The following SNTG2 variants were observed in gnomAD, a reference collection of about 807,000 sequenced individuals.
SNTG2 encodes the protein syntrophin gamma 2.
A neutral mutation model predicts 70.9 loss-of-function variants in SNTG2; 74 were observed. The ratio of observed to expected loss-of-function variants is 1.04; its 90% CI spans 0.86 to 1.27. The LOEUF (loss-of-function observed/expected upper bound fraction) is 1.27. SNTG2 is among the 50% of genes most tolerant of loss of function. The pLI is 0.00. For missense variants in SNTG2, 717 were observed against 690.7 expected, an observed-to-expected ratio of 1.04 and a Z score of -0.43; for synonymous variants, 278 against 273.8, an observed-to-expected ratio of 1.02 and a Z score of -0.15.
chr2:1,025,650 G>A (rs898615855), intron 1 of SNTG2, among the ~76,000 whole-genome samples: 7 of 152,116 alleles, frequency 4.6e-5, no homozygotes, highest in Non-Finnish European at 8.8e-5. Context: ...CACAGCCAGC[G>A]GTGCAGCGTC....
rs928754027 is a variant in SNTG2, at chr2:1,353,030, C to T, written c.1489-14313C>T. 2.0e-5 allele frequency among the ~76,000 whole-genome samples: 3 copies of T among 152,142 alleles called. No homozygotes were observed. The highest frequency in any genetic ancestry group is 2.1e-4 in the South Asian group (1 of 4,836). Reference sequence around the variant, plus strand: ...ACATCACCTCCCGGCTGCACAGTTGCCCAGCGTGTTCCTGTGCTGTGTCTG... The same window carrying T: ...ACATCACCTCCCGGCTGCACAGTTGTCCAGCGTGTTCCTGTGCTGTGTCTG... On this transcript the variant is annotated intron_variant, in intron 16 of 16. Coordinates refer to ENST00000308624, the MANE Select transcript of SNTG2 (RefSeq NM_018968.4). The surrounding 1 kb of genome is among the most constrained non-coding windows in gnomAD (Gnocchi z 4.2).
intron 1 of SNTG2, among the ~76,000 whole-genome samples, chr2:1,007,580 T>C (rs1181112936): frequency 6.6e-6 from 1 of 152,134 alleles, no homozygotes; most frequent in Non-Finnish European, 1.5e-5. Context: ...GAGCAAGGAA[T>C]TTTCTGAGTA....
chr2:1,351,419 A>C (rs867545161), intron 16 of SNTG2, among the ~76,000 whole-genome samples: 1 of 152,144 alleles, frequency 6.6e-6, no homozygotes, highest in African/African-American at 2.4e-5. Context: ...TGGTTTAAAA[A>C]CCTGAGTCAA....
chr2:1,125,426 C>T (rs903183508), intron 4 of SNTG2, among the ~76,000 whole-genome samples: 11 of 152,138 alleles, frequency 7.2e-5, no homozygotes, highest in Non-Finnish European at 1.6e-4. Flanking sequence ...CTCTCCCTCC[C>T]TTCCTTTGCC....
chr2:1,260,968 G>C (rs1221157371), intron 13 of SNTG2, among the ~76,000 whole-genome samples: 1 of 152,078 alleles, frequency 6.6e-6, no homozygotes, highest in Non-Finnish European at 1.5e-5. Context: ...GTAAGCTATA[G>C]AGCCATCTCA....
At chr2:1,242,778 G>A (rs1434203669) in intron 11 of SNTG2, 6 of 152,164 alleles carry the variant, frequency 3.9e-5, no homozygotes, top group South Asian at 2.1e-4. Context: ...TCTGGTGGAC[G>A]CTTAACTAAT....
chr2:1,076,877 A>C (rs925475554), intron 1 of SNTG2, among the ~76,000 whole-genome samples: 2 of 152,208 alleles, frequency 1.3e-5, no homozygotes, highest in African/African-American at 4.8e-5. Context: ...AAACATTTGC[A>C]TAAATTATTA....
chr2:1,320,430 G>C (rs899581003), intron 16 of SNTG2, among the ~76,000 whole-genome samples: 3 of 151,634 alleles, frequency 2.0e-5, no homozygotes, highest in African/African-American at 7.3e-5. Flanking sequence ...TACTCAGGAG[G>C]CTGAGGCAGG....
At chr2:1,355,678 T>A (rs1444679193) in intron 16 of SNTG2, among the ~76,000 whole-genome samples, 1 of 152,210 alleles carries the variant, frequency 6.6e-6, no homozygotes, top group African/African-American at 2.4e-5. Flanking sequence ...GAGATACTGA[T>A]TCCATTTTCC....
At chr2:954,674 T>C (rs61697026) in intron 1 of SNTG2, among the ~76,000 whole-genome samples, 4,851 of 152,272 alleles carry the variant, frequency 0.032, 247 homozygotes, top group African/African-American at 0.11. Context: ...CCTATGTGGG[T>C]GTAATCCCTC....
At chr2:1,265,513 C>T (rs770094737) in intron 13 of SNTG2, among the ~76,000 whole-genome samples, 1 of 152,218 alleles carries the variant, frequency 6.6e-6, no homozygotes, top group Non-Finnish European at 1.5e-5. Context: ...TCTCCATGAT[C>T]AGAGGGTCAT....
At chr2:1,248,372 A>G (rs1290883645) in intron 12 of SNTG2, among the ~76,000 whole-genome samples, 5 of 152,236 alleles carry the variant, frequency 3.3e-5, no homozygotes, top group Non-Finnish European at 7.3e-5. Context: ...TTTGACAATG[A>G]TGCAGCATTA....
chr2:1,230,761 C>T (rs1676165374), intron 9 of SNTG2, among the ~76,000 whole-genome samples: 1 of 152,232 alleles, frequency 6.6e-6, no homozygotes, highest in African/African-American at 2.4e-5. Context: ...AGCTCTTCAG[C>T]CCGGCCAGTG....
intron 8 of SNTG2, among the ~76,000 whole-genome samples, chr2:1,184,579 G>A (rs192263652): frequency 1.8e-3 from 281 of 152,310 alleles, no homozygotes; most frequent in African/African-American, 6.5e-3. Flanking sequence ...GGTAGAAAGT[G>A]AAGAGGAAGC....
At chr2:1,244,212 C>T (rs1020819300) in intron 11 of SNTG2, among the ~76,000 whole-genome samples, 3 of 152,244 alleles carry the variant, frequency 2.0e-5, no homozygotes, top group Non-Finnish European at 4.4e-5. Context: ...GACTCTCAGA[C>T]CACGTTGGCA....
chr2:1,031,359 A>G (rs1660803582), intron 1 of SNTG2, among the ~76,000 whole-genome samples: 1 of 151,456 alleles, frequency 6.6e-6, no homozygotes, highest in African/African-American at 2.4e-5. Context: ...CAGTCCTCAG[A>G]GTGTCAGATG....
chr2:1,261,358 A>G (rs1678404709), intron 13 of SNTG2, among the ~76,000 whole-genome samples: 1 of 152,244 alleles, frequency 6.6e-6, no homozygotes, highest in Admixed American at 6.5e-5. Flanking sequence ...TTAAATATCC[A>G]TAATTACCAT....
chr2:1,171,563 A>G (rs1000409114), intron 7 of SNTG2, among the ~76,000 whole-genome samples: 1 of 152,174 alleles, frequency 6.6e-6, no homozygotes, highest in Non-Finnish European at 1.5e-5. Flanking sequence ...AACCCTGTGA[A>G]ACGCTCTGGG....
At chr2:1,038,761 G>A (rs1211952619) in intron 1 of SNTG2, among the ~76,000 whole-genome samples, 7 of 152,262 alleles carry the variant, frequency 4.6e-5, no homozygotes, top group African/African-American at 1.4e-4. Context: ...GGTAAATCAA[G>A]TAACTAAAGT....
Sources: allele counts gnomAD v4.1 joint callset (sites outside exome capture counted in the v4.1 genomes callset), GRCh38; gene constraint gnomAD v4.1.1; non-coding constraint Gnocchi (gnomAD v3.1); transcripts MANE v1.5; gene names NCBI Gene and HGNC (gene_info 2026-07-23, HGNC 2026-07-21).